The following UBE2E2 variants were observed in gnomAD, a reference collection of about 807,000 sequenced individuals.
UBE2E2 encodes ubiquitin-conjugating enzyme E2 E2.
In UBE2E2, 6 loss-of-function variants were observed where a neutral mutation model predicts 24.7. The observed-to-expected ratio is 0.24, with a 90% CI of 0.13 to 0.48. The LOEUF (loss-of-function observed/expected upper bound fraction) is 0.48, where lower values mean the gene tolerates loss of function less well. Ranked by LOEUF, UBE2E2 falls within the 20% of genes least tolerant of loss-of-function variation. The pLI is 0.99. For missense variants in UBE2E2, 169 were observed against 245.0 expected (o/e 0.69, Z 2.07); for synonymous variants, 104 against 83.6 (o/e 1.24, Z -1.33).
chr3:23,448,537 T>C (rs981951996), intron 3 of UBE2E2, among the ~76,000 whole-genome samples: 1 of 152,186 alleles, frequency 6.6e-6, no homozygotes, highest in African/African-American at 2.4e-5. Context: ...GGGAATGATA[T>C]TAGTTCCTGT....
intron 3 of UBE2E2, among the ~76,000 whole-genome samples, chr3:23,356,154 TC>T (rs1261976950): frequency 1.3e-5 from 2 of 152,158 alleles, no homozygotes; most frequent in African/African-American, 2.4e-5. Context: ...AGACAAGCAG[TC>T]TGGACCTTAC....
At chr3:23,441,368 C>CAA (rs752204801) in intron 3 of UBE2E2, among the ~76,000 whole-genome samples, 14,804 of 102,880 alleles carry the variant, frequency 0.14, 963 homozygotes, top group Middle Eastern at 0.23. Context: ...ACTAAAAATC[C>CAA]AAAAAAAAAA....
rs185292891 is a variant in UBE2E2 at position 23,407,068 on chromosome 3, A to G, written c.228-92540A>G. Among the ~76,000 whole-genome samples the G allele has an allele frequency of 9.2e-5, 14 of 152,296 alleles. No homozygotes were observed. The East Asian group carries it at 2.3e-3, about 25-fold the overall frequency. On this transcript the variant is annotated intron_variant, in intron 3 of 5. Coordinates refer to ENST00000396703, the MANE Select transcript of UBE2E2 (RefSeq NM_152653.4). This position sits in a 1 kb window ranked among gnomAD's most constrained non-coding sequence, Gnocchi z 4.0. ...GATTATTCCCTTCCCCAGTTCCCCA[A>G]GTATTTTGGAGACAAATTTTTCTTC...
At chr3:23,250,418 G>A (rs1249295470) in intron 3 of UBE2E2, among the ~76,000 whole-genome samples, 1 of 152,154 alleles carries the variant, frequency 6.6e-6, no homozygotes, top group Non-Finnish European at 1.5e-5. Context: ...ATTAGAGGTT[G>A]TTTTATGAAC....
intron 3 of UBE2E2, among the ~76,000 whole-genome samples, chr3:23,445,186 T>C (rs1176345422): frequency 6.6e-6 from 1 of 152,178 alleles, no homozygotes; most frequent in Non-Finnish European, 1.5e-5. Flanking sequence ...GTCAACTCTG[T>C]GGTGGCCCAA....
intron 3 of UBE2E2, among the ~76,000 whole-genome samples, chr3:23,423,832 A>G (rs954997478): frequency 2.0e-5 from 3 of 152,200 alleles, no homozygotes; most frequent in Admixed American, 6.5e-5. Context: ...TAGTAGTGTG[A>G]CCTGGTGCTA....
In UBE2E2 at chr3:23,407,650, T is replaced by C. The variant is rs1277630312; in HGVS notation, c.228-91958T>C. Among the ~76,000 whole-genome samples the C allele has an allele frequency of 7.6e-5, 2 of 26,436 alleles. No homozygotes were observed. The highest frequency in any genetic ancestry group is 7.7e-5 in the Non-Finnish European group (1 of 12,966). The allele number at this position is 26,436 out of a possible 152,430, so 17.3% of individuals were successfully genotyped here. On this transcript the variant is annotated intron_variant, in intron 3 of 5. Coordinates refer to ENST00000396703, the MANE Select transcript of UBE2E2 (RefSeq NM_152653.4). The surrounding 1 kb of genome is among the most constrained non-coding windows in gnomAD (Gnocchi z 4.0). The stretch of plus-strand genomic sequence containing the variant: ...GTGTTTGTGTGTGCATGCGTGCATG[T>C]GTGTGTGTGTGTGTGTGTGTGTGTG...
At chr3:23,579,927 C>G (rs1696437696) in intron 5 of UBE2E2, among the ~76,000 whole-genome samples, 1 of 152,090 alleles carries the variant, frequency 6.6e-6, no homozygotes, top group South Asian at 2.1e-4. Flanking sequence ...GAGGGTTTCA[C>G]AACTTTTATT....
intron 3 of UBE2E2, among the ~76,000 whole-genome samples, chr3:23,486,220 A>G (rs1005384813): frequency 6.6e-6 from 1 of 152,148 alleles, no homozygotes; most frequent in Non-Finnish European, 1.5e-5. Flanking sequence ...AGTGGCAGGG[A>G]AGGCAGCTAC....
rs561964732 is a variant in UBE2E2 at position 23,372,464 on chromosome 3, G to A, written c.228-127144G>A. Reference sequence around the variant, plus strand: ...TGCTGTTGCCTCTGCACTATTAGTTGGTGTCAGCAGGGGGTTAGCAGCACT... The same window carrying A: ...TGCTGTTGCCTCTGCACTATTAGTTAGTGTCAGCAGGGGGTTAGCAGCACT... On this transcript the variant is annotated intron_variant, in intron 3 of 5. Coordinates refer to ENST00000396703, the MANE Select transcript of UBE2E2 (RefSeq NM_152653.4). Among the ~76,000 whole-genome samples, 61 of 152,248 alleles carry A rather than the reference G, an allele frequency of 4.0e-4. 2 individuals are homozygous for A. In the South Asian group the frequency reaches 0.012, roughly 31 times the overall value.
chr3:23,296,621 C>T (rs1290735471), intron 3 of UBE2E2, among the ~76,000 whole-genome samples: 1 of 152,180 alleles, frequency 6.6e-6, no homozygotes, highest in Non-Finnish European at 1.5e-5. Context: ...ATCCATGTCC[C>T]TGCAAAGGAC....
intron 5 of UBE2E2, 94 bp downstream of exon 5, chr3:23,532,795 A>AC: frequency 8.8e-7 from 1 of 1,141,302 alleles, no homozygotes. Context: ...TACCACTACC[A>AC]CCACTGCTTC....
intron 3 of UBE2E2, among the ~76,000 whole-genome samples, chr3:23,380,086 T>TAAAAAAAA (rs10559253): frequency 9.5e-5 from 13 of 136,310 alleles, no homozygotes; most frequent in African/African-American, 3.5e-4. Context: ...TTGATTACTG[T>TAAAAAAAA]AAAAAAAAAA....
chr3:23,469,243 G>T (rs1281005966), intron 3 of UBE2E2, among the ~76,000 whole-genome samples: 2 of 152,076 alleles, frequency 1.3e-5, no homozygotes, highest in Non-Finnish European at 2.9e-5. Flanking sequence ...ATTGTTGTTA[G>T]GATTTAAACA....
rs190328286 is a variant in UBE2E2, at chr3:23,356,269, G to A, written c.227+138957G>A. 1.4e-3 allele frequency among the ~76,000 whole-genome samples: 208 copies of A among 152,308 alleles called. 1 individual carries two copies. The highest frequency in any genetic ancestry group is 2.2e-3 in the Non-Finnish European group (151 of 68,030). On this transcript the variant is annotated intron_variant, in intron 3 of 5. Transcript: ENST00000396703. ...GATGATCAAGAGTTTAAGCCAGACA[G>A]TAACCTACAGGGCTACAGGGCAATA...
At chr3:23,571,674 G>C (rs934512549) in intron 5 of UBE2E2, among the ~76,000 whole-genome samples, 25 of 152,090 alleles carry the variant, frequency 1.6e-4, no homozygotes. Flanking sequence ...TACTCAGCTA[G>C]TCTAGGAGCA....
At chr3:23,338,993 TATAATTATAAAGGAATC>T (rs1695294932) in intron 3 of UBE2E2, among the ~76,000 whole-genome samples, 1 of 152,160 alleles carries the variant, frequency 6.6e-6, no homozygotes, top group Admixed American at 6.6e-5. Context: ...AGATATTTAC[TATAATTATAAAGGAATC>T]ATAGTAACCT....
chr3:23,260,845 C>T (rs1697877482), intron 3 of UBE2E2, among the ~76,000 whole-genome samples: 1 of 152,082 alleles, frequency 6.6e-6, no homozygotes, highest in African/African-American at 2.4e-5. Flanking sequence ...GTGGCTCATG[C>T]CTGTAATCTG....
intron 3 of UBE2E2, among the ~76,000 whole-genome samples, chr3:23,272,596 T>G (rs940879670): frequency 6.6e-6 from 1 of 152,114 alleles, no homozygotes; most frequent in African/African-American, 2.4e-5. Flanking sequence ...GAAAGGGAGT[T>G]TTGCAATGGG....
Sources: allele counts gnomAD v4.1 joint callset (sites outside exome capture counted in the v4.1 genomes callset), GRCh38; gene constraint gnomAD v4.1.1; non-coding constraint Gnocchi (gnomAD v3.1); transcripts MANE v1.5; gene names NCBI Gene and HGNC (gene_info 2026-07-23, HGNC 2026-07-21).